Variants in GRID2 observed in about 807,000 individuals in gnomAD.
The protein encoded by GRID2 is glutamate receptor ionotropic, delta-2.
GRID2 carries 33 observed loss-of-function variants against 114.8 expected under a neutral mutation model. The ratio of observed to expected loss-of-function variants is 0.29; its 90% CI spans 0.22 to 0.38. The LOEUF is 0.38. Among genes scored for constraint, GRID2 ranks in the 10% least tolerant of loss-of-function variants. The pLI is 1.00. For synonymous variants in GRID2, 505 were observed against 449.9 expected (o/e 1.12, Z -1.55); for missense variants, 1,184 against 1,257.7 (o/e 0.94, Z 0.89).
chr4:93,225,091 A>G (rs1288495091), intron 7 of GRID2, among the ~76,000 whole-genome samples: 5 of 152,212 alleles, frequency 3.3e-5, no homozygotes, highest in Non-Finnish European at 7.3e-5. Context: ...GGCTTTTAAA[A>G]AAACACACGC....
chr4:93,071,928 T>C (rs1014079511), intron 2 of GRID2, among the ~76,000 whole-genome samples: 29 of 152,300 alleles, frequency 1.9e-4, no homozygotes, highest in African/African-American at 7.0e-4. Flanking sequence ...AAACTACTAC[T>C]TGAAGTCTGT....
chr4:92,415,740 GTATATA>G (rs70940888), intron 1 of GRID2, among the ~76,000 whole-genome samples: 7,722 of 82,178 alleles, frequency 0.094, 421 homozygotes, highest in Middle Eastern at 0.22. Context: ...GTGTATGTGT[GTATATA>G]TATATATATA....
In GRID2 at chr4:93,081,020, C is replaced by T. The variant is rs144384680; in HGVS notation, c.245-3975C>T. ...TTAATTCATTCAGAAAGGTAGTGCC[C>T]CCATGACCCAAACACATCACATTAG... On this transcript the variant is annotated intron_variant, in intron 2 of 15. Coordinates refer to ENST00000282020, the MANE Select transcript of GRID2 (RefSeq NM_001510.4). 1.1e-3 allele frequency among the ~76,000 whole-genome samples: 167 copies of T among 152,212 alleles called. 3 individuals carry two copies. The highest frequency in any genetic ancestry group is 8.3e-3 in the Admixed American group (127 of 15,262).
At chr4:93,384,278 A>G (rs974852205) in intron 8 of GRID2, among the ~76,000 whole-genome samples, 37 of 152,108 alleles carry the variant, frequency 2.4e-4, no homozygotes, top group African/African-American at 8.2e-4. Context: ...GCGCAACAAT[A>G]TTAGGGAAGT....
intron 2 of GRID2, among the ~76,000 whole-genome samples, chr4:93,064,918 G>T (rs1270090754): frequency 2.0e-5 from 3 of 151,746 alleles, no homozygotes; most frequent in Non-Finnish European, 2.9e-5. Flanking sequence ...CAAGTAGATT[G>T]TTACTTGTTT....
intron 2 of GRID2, among the ~76,000 whole-genome samples, chr4:92,920,987 A>G (rs1006326609): frequency 1.3e-5 from 2 of 152,152 alleles, no homozygotes; most frequent in Non-Finnish European, 2.9e-5. Flanking sequence ...AGGTACACCA[A>G]TCAGACGTAG....
intron 2 of GRID2, among the ~76,000 whole-genome samples, chr4:93,004,585 G>T (rs929423484): frequency 2.0e-5 from 3 of 151,922 alleles, no homozygotes; most frequent in Non-Finnish European, 4.4e-5. Context: ...AGGCAAAAGT[G>T]TTGTTCTACC....
intron 2 of GRID2, among the ~76,000 whole-genome samples, chr4:93,081,216 A>G (rs936189219): frequency 6.6e-6 from 1 of 152,112 alleles, no homozygotes; most frequent in African/African-American, 2.4e-5. Context: ...AATAAGTCAG[A>G]AAAAAAAGAT....
At chr4:93,677,772 C>A (rs1002021467) in intron 14 of GRID2, among the ~76,000 whole-genome samples, 14 of 152,186 alleles carry the variant, frequency 9.2e-5, no homozygotes, top group Admixed American at 7.2e-4. Flanking sequence ...ACACCAAAAA[C>A]CCATCTGTAC....
intron 2 of GRID2, among the ~76,000 whole-genome samples, chr4:92,815,510 A>G (rs1470396112): frequency 6.6e-6 from 1 of 152,128 alleles, no homozygotes; most frequent in African/African-American, 2.4e-5. Flanking sequence ...TATTAATTTA[A>G]ATAAAGGTAG....
intron 2 of GRID2, among the ~76,000 whole-genome samples, chr4:92,970,731 A>G (rs1169793683): frequency 1.3e-5 from 2 of 152,008 alleles, no homozygotes; most frequent in Non-Finnish European, 2.9e-5. Flanking sequence ...AACTGATAGA[A>G]TTATTTCCAA....
chr4:92,790,829 C>T (rs989129912), intron 2 of GRID2, among the ~76,000 whole-genome samples: 11 of 151,318 alleles, frequency 7.3e-5, no homozygotes, highest in Non-Finnish European at 1.5e-4. Context: ...GAATTTGTCA[C>T]TTTTTGTTGT....
chr4:92,558,413 C>A (rs1239454121), intron 1 of GRID2, among the ~76,000 whole-genome samples: 1 of 152,096 alleles, frequency 6.6e-6, no homozygotes, highest in Non-Finnish European at 1.5e-5. Context: ...CGTTGTTGAG[C>A]ATTTGCAGTA....
chr4:93,517,951 GTATATGTATGTATATA>G (rs1729913644), intron 13 of GRID2, among the ~76,000 whole-genome samples: 1 of 32,720 alleles, frequency 3.1e-5, no homozygotes, highest in Admixed American at 2.7e-4. Flanking sequence ...ATACATACAT[GTATATGTATGTATATA>G]CATACATGTA....
chr4:93,474,926 A>G (rs1010070127), intron 11 of GRID2, among the ~76,000 whole-genome samples: 16 of 152,174 alleles, frequency 1.1e-4, no homozygotes, highest in African/African-American at 3.6e-4. Flanking sequence ...AGAGGCTTTC[A>G]TATTTTGTTT....
Position 92,406,708 on chromosome 4 carries a change from C to T in GRID2, c.88+101964C>T, listed in dbSNP as rs576996783. Among the ~76,000 whole-genome samples, 24 of 150,964 alleles carry T rather than the reference C, an allele frequency of 1.6e-4. 1 individual carries two copies. The South Asian group carries it at 3.8e-3, about 24-fold the overall frequency. ...TTCAGCCCATGAACCCCTTCTTTTC[C>T]GCTCCATCTAGTGATGCCCAGTGTT... On this transcript the variant is annotated intron_variant, in intron 1 of 15. Transcript: ENST00000282020.
rs890064865 is a variant in GRID2, at chr4:92,747,049, G to A, written c.244+156763G>A. Among the ~76,000 whole-genome samples the A allele has an allele frequency of 2.6e-5, 4 of 152,000 alleles. 1 individual carries two copies. The highest frequency in any genetic ancestry group is 4.1e-4 in the South Asian group (2 of 4,828). On this transcript the variant is annotated intron_variant, in intron 2 of 15. Coordinates refer to ENST00000282020, the MANE Select transcript of GRID2 (RefSeq NM_001510.4). ...AATAAAAATCCCCCAATCCTTGAAA[G>A]TTTATCATATAGGAGTTGGATAAAT...
chr4:92,408,300 G>A (rs550600108), intron 1 of GRID2, among the ~76,000 whole-genome samples: 51 of 151,950 alleles, frequency 3.4e-4, no homozygotes, highest in Admixed American at 3.3e-4. Flanking sequence ...TCCACTGGTC[G>A]ATGTGTCTGT....
At chr4:93,401,926 CTT>C (rs34607839) in intron 9 of GRID2, among the ~76,000 whole-genome samples, 1,674 of 143,022 alleles carry the variant, frequency 0.012, 17 homozygotes, top group Non-Finnish European at 0.019. Flanking sequence ...TTTGGAATTT[CTT>C]TTTTTTTTTT....
Sources: allele counts gnomAD v4.1 joint callset (sites outside exome capture counted in the v4.1 genomes callset), GRCh38; gene constraint gnomAD v4.1.1; transcripts MANE v1.5; gene names NCBI Gene and HGNC (gene_info 2026-07-23, HGNC 2026-07-21).